Variants in SLC24A3 observed in about 807,000 individuals in gnomAD.
SLC24A3 encodes the protein sodium/potassium/calcium exchanger 3.
SLC24A3 carries 28 observed loss-of-function variants against 75.8 expected under a neutral mutation model. The observed-to-expected ratio is 0.37, with a 90% CI of 0.27 to 0.51. The LOEUF is 0.51. SLC24A3 is among the 20% of genes least tolerant of loss of function. The probability of loss-of-function intolerance (pLI) is 0.94; values close to 1 mark genes in which losing one functional copy is unlikely to be tolerated. For missense variants in SLC24A3, 663 were observed against 847.8 expected (o/e 0.78, Z 2.71); for synonymous variants, 372 against 334.1 (o/e 1.11, Z -1.24).
At chr20:19,491,928 C>A (rs944349198) in intron 2 of SLC24A3, among the ~76,000 whole-genome samples, 2 of 152,044 alleles carry the variant, frequency 1.3e-5, no homozygotes, top group African/African-American at 4.8e-5. Context: ...GGGACCTGGG[C>A]AGGGCAGCAG....
intron 3 of SLC24A3, among the ~76,000 whole-genome samples, chr20:19,552,866 C>T (rs1172944182): frequency 5.3e-5 from 8 of 152,146 alleles, no homozygotes; most frequent in Middle Eastern, 6.8e-3. Context: ...ACATCTGTGT[C>T]ATCTTGCTTC....
chr20:19,262,141 C>T (rs1431683112), intron 1 of SLC24A3, among the ~76,000 whole-genome samples: 1 of 152,116 alleles, frequency 6.6e-6, no homozygotes, highest in Non-Finnish European at 1.5e-5. Context: ...CGGTGGCTCA[C>T]GCCTGTAATC....
intron 2 of SLC24A3, among the ~76,000 whole-genome samples, chr20:19,465,767 T>G (rs1987754777): frequency 6.6e-6 from 1 of 152,206 alleles, no homozygotes. Flanking sequence ...CTCTCTGTGA[T>G]GTAATAGAAT....
intron 6 of SLC24A3, among the ~76,000 whole-genome samples, chr20:19,648,860 G>T (rs947144945): frequency 4.6e-5 from 7 of 152,164 alleles, no homozygotes; most frequent in Admixed American, 6.5e-5. Flanking sequence ...AATAGAAAAA[G>T]AAATATCAAG....
At chr20:19,247,202 ACTCCAGTAGGCTCTCTGATGG>A (rs1424649377) in intron 1 of SLC24A3, among the ~76,000 whole-genome samples, 1 of 152,018 alleles carries the variant, frequency 6.6e-6, no homozygotes, top group Non-Finnish European at 1.5e-5. Context: ...AGGGCCAATG[ACTCCAGTAGGCTCTCTGATGG>A]CTCAGTGAGG....
Position 19,521,260 on chromosome 20 carries a change from C to T in SLC24A3, c.348+5696C>T, listed in dbSNP as rs534637643. Among the ~76,000 whole-genome samples the T allele has an allele frequency of 3.9e-5, 6 of 152,242 alleles. No individual in the cohort carries two copies. The South Asian group carries it at 1.0e-3, about 26-fold the overall frequency. On this transcript the variant is annotated intron_variant, in intron 3 of 16. Coordinates refer to ENST00000328041, the MANE Select transcript of SLC24A3 (RefSeq NM_020689.4). Reference sequence around the variant, plus strand: ...CTTGCCCTGCTTCTTCAGTACCTCCCGGCACTGGTCAGTTTCCTAATTTAT... The same window carrying T: ...CTTGCCCTGCTTCTTCAGTACCTCCTGGCACTGGTCAGTTTCCTAATTTAT...
At chr20:19,450,909 G>A (rs1452320735) in intron 2 of SLC24A3, among the ~76,000 whole-genome samples, 2 of 152,156 alleles carry the variant, frequency 1.3e-5, no homozygotes, top group Admixed American at 6.5e-5. Flanking sequence ...TGAGGCAGAA[G>A]AATCACTTGA....
intron 6 of SLC24A3, among the ~76,000 whole-genome samples, chr20:19,644,629 T>A (rs935192882): frequency 5.9e-5 from 9 of 152,212 alleles, no homozygotes; most frequent in African/African-American, 2.2e-4. Flanking sequence ...ATAGCCAAAT[T>A]TCTCTCTATG....
intron 1 of SLC24A3, among the ~76,000 whole-genome samples, chr20:19,246,909 A>G (rs1220472184): frequency 6.6e-6 from 1 of 151,888 alleles, no homozygotes; most frequent in Non-Finnish European, 1.5e-5. Flanking sequence ...GAAAGTAAAT[A>G]TAATTATCAA....
intron 6 of SLC24A3, among the ~76,000 whole-genome samples, chr20:19,643,773 G>A (rs2032102247): frequency 6.6e-6 from 1 of 152,188 alleles, no homozygotes; most frequent in Non-Finnish European, 1.5e-5. Flanking sequence ...AATGTTGAGT[G>A]AACTCCACAC....
At chr20:19,488,347 C>G (rs1988158142) in intron 2 of SLC24A3, among the ~76,000 whole-genome samples, 1 of 152,182 alleles carries the variant, frequency 6.6e-6, no homozygotes, top group Admixed American at 6.5e-5. Flanking sequence ...ACTTCATAAC[C>G]TGGACTGACA....
At chr20:19,341,909 C>A (rs1216605964) in intron 2 of SLC24A3, among the ~76,000 whole-genome samples, 1 of 152,122 alleles carries the variant, frequency 6.6e-6, no homozygotes, top group Non-Finnish European at 1.5e-5. Flanking sequence ...GTGTTTCTGA[C>A]CCTGGACTCA....
At chr20:19,224,189 T>C (rs1981814079) in intron 1 of SLC24A3, among the ~76,000 whole-genome samples, 1 of 151,858 alleles carries the variant, frequency 6.6e-6, no homozygotes, top group South Asian at 2.1e-4. Context: ...CTGTGTAGGT[T>C]TGTGTATTCA....
intron 12 of SLC24A3, 134 bp from the exon 13 acceptor site, chr20:19,693,125 A>AG: frequency 1.0e-6 from 1 of 958,136 alleles, no homozygotes; most frequent in Non-Finnish European, 1.5e-6. Context: ...TGAATGTTTT[A>AG]GAAAAAGAGC....
At chr20:19,388,875 C>T (rs1489867361) in intron 2 of SLC24A3, among the ~76,000 whole-genome samples, 1 of 152,098 alleles carries the variant, frequency 6.6e-6, no homozygotes, top group African/African-American at 2.4e-5. Flanking sequence ...ATCTAAAGTA[C>T]TATCATTTTA....
At chr20:19,673,533 T>C in intron 8 of SLC24A3, 68 bp from the exon 9 acceptor site, 1 of 1,399,118 alleles carries the variant, frequency 7.1e-7, no homozygotes. Flanking sequence ...AATATGTCTT[T>C]AAAAATGAGG....
chr20:19,382,438 T>C (rs1277734326), intron 2 of SLC24A3, among the ~76,000 whole-genome samples: 1 of 152,230 alleles, frequency 6.6e-6, no homozygotes, highest in Non-Finnish European at 1.5e-5. Flanking sequence ...AGAATCATAG[T>C]GATTGAAATT....
At chr20:19,419,831 T>G (rs1986886913) in intron 2 of SLC24A3, among the ~76,000 whole-genome samples, 1 of 151,536 alleles carries the variant, frequency 6.6e-6, no homozygotes, top group African/African-American at 2.4e-5. Context: ...AGTTTTTTTT[T>G]TTTTTTTTTA....
intron 6 of SLC24A3, among the ~76,000 whole-genome samples, chr20:19,634,471 T>C (rs1377375862): frequency 6.6e-6 from 1 of 152,132 alleles, no homozygotes; most frequent in Non-Finnish European, 1.5e-5. Context: ...TGTCCCAAAA[T>C]GTTCATATCA....
Sources: gnomAD v4.1 joint callset for allele counts (sites outside exome capture counted in the v4.1 genomes callset) on GRCh38, gnomAD v4.1.1 for gene constraint, MANE v1.5 for transcripts, NCBI Gene and HGNC (gene_info 2026-07-23, HGNC 2026-07-21) for gene names.